Variants in GRID2 observed in about 807,000 individuals in gnomAD.
GRID2 encodes glutamate receptor ionotropic, delta-2.
A neutral mutation model predicts 114.8 loss-of-function variants in GRID2; 33 were observed. That is an observed-to-expected ratio of 0.29 (90% confidence interval 0.22 to 0.38). The LOEUF (loss-of-function observed/expected upper bound fraction) is 0.38. Ranked by LOEUF, GRID2 falls within the 10% of genes least tolerant of loss-of-function variation. The pLI is 1.00. For synonymous variants in GRID2, 505 were observed against 449.9 expected, an observed-to-expected ratio of 1.12 and a Z score of -1.55; for missense variants, 1,184 against 1,257.7, an observed-to-expected ratio of 0.94 and a Z score of 0.89.
intron 8 of GRID2, among the ~76,000 whole-genome samples, chr4:93,253,489 TAC>T (rs1306602726): frequency 2.6e-5 from 4 of 152,128 alleles, no homozygotes; most frequent in Non-Finnish European, 4.4e-5. Flanking sequence ...TAAAATAATG[TAC>T]AGTTAAAGAT....
chr4:93,000,689 T>C (rs1578717971), intron 2 of GRID2, among the ~76,000 whole-genome samples: 1 of 151,710 alleles, frequency 6.6e-6, no homozygotes, highest in African/African-American at 2.4e-5. Flanking sequence ...ATATGTTTCA[T>C]ACTTTGTTAA....
chr4:93,704,479 G>T (rs1462398323), intron 14 of GRID2, among the ~76,000 whole-genome samples: 3 of 152,066 alleles, frequency 2.0e-5, no homozygotes, highest in African/African-American at 7.2e-5. Context: ...TTCTTTTGCT[G>T]TGCAGAAGCT....
intron 14 of GRID2, among the ~76,000 whole-genome samples, chr4:93,748,986 G>A (rs2110276986): frequency 6.7e-6 from 1 of 149,276 alleles, no homozygotes; most frequent in Non-Finnish European, 1.5e-5. Context: ...TTCCACTACA[G>A]TCACATCATT....
rs189849046 is a variant in GRID2, at chr4:92,441,705, G to A, written c.88+136961G>A. ...TCTTTTTAAAGCGTGCTGAGGGATG[G>A]GATATTGGCATTGAGTGGGGTAAGG... is the stretch of plus-strand genomic sequence containing the variant. On this transcript the variant is annotated intron_variant, in intron 1 of 15. Transcript: ENST00000282020. Among the ~76,000 whole-genome samples the A allele has an allele frequency of 1.0e-3, 156 of 152,132 alleles. 1 individual carries two copies. Among genetic ancestry groups the A allele is most frequent in the Non-Finnish European group, 8.5e-4 (58 of 68,006 alleles).
At chr4:93,025,865 T>G (rs2149251579) in intron 2 of GRID2, among the ~76,000 whole-genome samples, 1 of 151,868 alleles carries the variant, frequency 6.6e-6, no homozygotes, top group African/African-American at 2.4e-5. Context: ...ATTCCTGGGC[T>G]ACCTCCAAGC....
chr4:92,372,041 A>G (rs1729139671), intron 1 of GRID2, among the ~76,000 whole-genome samples: 1 of 152,182 alleles, frequency 6.6e-6, no homozygotes, highest in Non-Finnish European at 1.5e-5. Flanking sequence ...ACTATAATTG[A>G]AAGTGGAGCC....
intron 2 of GRID2, among the ~76,000 whole-genome samples, chr4:92,940,882 A>G (rs542580479): frequency 2.0e-5 from 3 of 152,206 alleles, no homozygotes; most frequent in African/African-American, 4.8e-5. Context: ...ATTGATTTGC[A>G]TATGTTGAAC....
chr4:93,729,878 G>A (rs950528812), intron 14 of GRID2, among the ~76,000 whole-genome samples: 5 of 152,106 alleles, frequency 3.3e-5, no homozygotes, highest in Admixed American at 3.3e-4. Flanking sequence ...TAATTAAATG[G>A]TTCAGCTTCA....
At chr4:92,605,825 C>T (rs1729426596) in intron 2 of GRID2, among the ~76,000 whole-genome samples, 1 of 152,010 alleles carries the variant, frequency 6.6e-6, no homozygotes, top group Non-Finnish European at 1.5e-5. Context: ...GAGTTTTTTA[C>T]CTAAATCAGC....
intron 13 of GRID2, among the ~76,000 whole-genome samples, chr4:93,620,196 TAAATG>T (rs992204240): frequency 1.3e-4 from 20 of 152,318 alleles, no homozygotes; most frequent in Admixed American, 3.9e-4. Flanking sequence ...TCATAAGAAA[TAAATG>T]GAGGACAGAG....
intron 8 of GRID2, among the ~76,000 whole-genome samples, chr4:93,369,442 C>T (rs573817400): frequency 6.6e-6 from 1 of 152,222 alleles, no homozygotes; most frequent in South Asian, 2.1e-4. Flanking sequence ...CTCTGGGTGA[C>T]CATGATTTAA....
chr4:93,405,206 TA>T (rs1766291265), intron 9 of GRID2, among the ~76,000 whole-genome samples: 1 of 152,100 alleles, frequency 6.6e-6, no homozygotes, highest in East Asian at 1.9e-4. Context: ...ATGGGGAAAA[TA>T]TGATTTTTAT....
intron 2 of GRID2, among the ~76,000 whole-genome samples, chr4:92,655,133 T>A (rs141072715): frequency 1.3e-5 from 2 of 152,040 alleles, no homozygotes; most frequent in Non-Finnish European, 2.9e-5. Context: ...CCAAGCACCA[T>A]TTATTGAAGA....
chr4:92,635,307 T>C (rs1480046030), intron 2 of GRID2, among the ~76,000 whole-genome samples: 2 of 152,114 alleles, frequency 1.3e-5, no homozygotes, highest in Admixed American at 1.3e-4. Context: ...TGTGTATCCT[T>C]GAGACTAAAG....
chr4:92,980,705 ATATAT>A (rs1052812417), intron 2 of GRID2, among the ~76,000 whole-genome samples: 7 of 152,108 alleles, frequency 4.6e-5, no homozygotes, highest in Admixed American at 1.3e-4. Flanking sequence ...TATTCTTCAT[ATATAT>A]TATATCAATG....
intron 8 of GRID2, among the ~76,000 whole-genome samples, chr4:93,264,769 T>TC: frequency 6.9e-6 from 1 of 145,622 alleles, no homozygotes; most frequent in African/African-American, 2.5e-5. Flanking sequence ...TATATATATA[T>TC]ATATAAATAT....
chr4:92,613,266 A>T (rs1385000183), intron 2 of GRID2, among the ~76,000 whole-genome samples: 2 of 151,350 alleles, frequency 1.3e-5, no homozygotes, highest in East Asian at 3.9e-4. Context: ...TTCCTGGGAT[A>T]AGTCTTTAAA....
intron 1 of GRID2, among the ~76,000 whole-genome samples, chr4:92,344,293 A>G (rs1727657449): frequency 6.6e-6 from 1 of 152,132 alleles, no homozygotes; most frequent in African/African-American, 2.4e-5. Context: ...TTTGCCCATT[A>G]TTTGTAAATA....
intron 14 of GRID2, among the ~76,000 whole-genome samples, chr4:93,671,738 G>T (rs1019918797): frequency 1.3e-5 from 2 of 152,092 alleles, no homozygotes; most frequent in Admixed American, 6.6e-5. Flanking sequence ...GGAGACTGAG[G>T]TGGGTGGATC....
Sources: gnomAD v4.1 joint callset for allele counts (sites outside exome capture counted in the v4.1 genomes callset) on GRCh38, gnomAD v4.1.1 for gene constraint, MANE v1.5 for transcripts, NCBI Gene and HGNC (gene_info 2026-07-23, HGNC 2026-07-21) for gene names.